Variants in KHDRBS2 observed in about 807,000 individuals in gnomAD.
KHDRBS2 encodes KH domain-containing, RNA-binding, signal transduction-associated protein 2.
In KHDRBS2, 26 loss-of-function variants were observed where a neutral mutation model predicts 44.3. The ratio of observed to expected loss-of-function variants is 0.59; its 90% CI spans 0.43 to 0.81. KHDRBS2 has a LOEUF of 0.81. Ranked by LOEUF, KHDRBS2 falls within the 40% of genes least tolerant of loss-of-function variation. The probability of loss-of-function intolerance (pLI) is 0.00; values close to 1 mark genes in which losing one functional copy is unlikely to be tolerated. For missense variants in KHDRBS2, 476 were observed against 433.1 expected, an observed-to-expected ratio of 1.10 and a Z score of -0.88; for synonymous variants, 194 against 151.1, an observed-to-expected ratio of 1.28 and a Z score of -2.08.
the KHDRBS2 span, among the ~76,000 whole-genome samples, chr6:61,658,812 T>C: frequency 6.6e-6 from 1 of 151,952 alleles, no homozygotes. Flanking sequence ...AATCATCTTT[T>C]GCATATAGGC....
the KHDRBS2 span, among the ~76,000 whole-genome samples, chr6:61,643,681 A>T: frequency 2.0e-5 from 3 of 152,272 alleles, no homozygotes; most frequent in South Asian, 6.2e-4. Flanking sequence ...CCAAAGCCAA[A>T]TCAAGAACAC....
the KHDRBS2 span, among the ~76,000 whole-genome samples, chr6:61,664,440 A>AG: frequency 6.6e-6 from 1 of 150,864 alleles, no homozygotes; most frequent in Non-Finnish European, 1.5e-5. Context: ...ATAGGAAAAA[A>AG]ACAACAACAA....
chr6:62,110,582 T>A (rs1292121277), intron 2 of KHDRBS2, among the ~76,000 whole-genome samples: 1 of 152,048 alleles, frequency 6.6e-6, no homozygotes, highest in Non-Finnish European at 1.5e-5. Context: ...GTGAAAGAAG[T>A]CAGACTCCTC....
At chr6:61,661,587 T>C in the KHDRBS2 span, among the ~76,000 whole-genome samples, 15 of 151,892 alleles carry the variant, frequency 9.9e-5, no homozygotes, top group African/African-American at 3.6e-4. Flanking sequence ...CTTTCAGCAG[T>C]GTCCTATCTA....
At position 61,833,469 on chromosome 6, in the gene KHDRBS2, G is replaced by A. The variant is rs564952372; in HGVS notation, c.810+61166C>T. Among the ~76,000 whole-genome samples, 6 of 152,208 alleles carry A rather than the reference G, an allele frequency of 3.9e-5. No individual in the cohort carries two copies. The South Asian group carries it at 1.0e-3, about 26-fold the overall frequency. ...TTTCTTTTCCTATATAATACCATAT[G>A]TTCAGCTTCTATCATATATTCCCAG... is the stretch of plus-strand genomic sequence containing the variant. On this transcript the variant is annotated intron_variant, in intron 6 of 8. Coordinates refer to ENST00000281156, the MANE Select transcript of KHDRBS2 (RefSeq NM_152688.4).
At chr6:62,083,559 G>A (rs1797828779) in intron 2 of KHDRBS2, among the ~76,000 whole-genome samples, 1 of 152,090 alleles carries the variant, frequency 6.6e-6, no homozygotes, top group Non-Finnish European at 1.5e-5. Flanking sequence ...GCCCTCTGGG[G>A]TCCAGGGGTT....
chr6:62,118,259 T>C (rs1349024709), intron 2 of KHDRBS2, among the ~76,000 whole-genome samples: 5 of 152,250 alleles, frequency 3.3e-5, no homozygotes, highest in Non-Finnish European at 5.9e-5. Flanking sequence ...TCTATGTGTC[T>C]GATTTTATGC....
the KHDRBS2 span, among the ~76,000 whole-genome samples, chr6:61,571,150 C>A: frequency 6.6e-6 from 1 of 152,118 alleles, no homozygotes; most frequent in South Asian, 2.1e-4. Flanking sequence ...AATCCATCAA[C>A]CAAGTACCTG....
the KHDRBS2 span, among the ~76,000 whole-genome samples, chr6:61,615,270 A>C: frequency 7.9e-5 from 12 of 151,204 alleles, no homozygotes; most frequent in Non-Finnish European, 1.5e-4. Context: ...AAAGAAAAAA[A>C]ACAAGAAGAA....
At chr6:61,912,908 G>A (rs1390699090) in intron 4 of KHDRBS2, among the ~76,000 whole-genome samples, 10 of 152,014 alleles carry the variant, frequency 6.6e-5, no homozygotes, top group Non-Finnish European at 1.3e-4. Flanking sequence ...CGTCTCCAAC[G>A]CCATATCTCA....
the KHDRBS2 span, among the ~76,000 whole-genome samples, chr6:61,559,895 G>T: frequency 6.6e-6 from 1 of 152,228 alleles, no homozygotes. Context: ...TGTGTTTACA[G>T]TTAACAGTGA....
the KHDRBS2 span, among the ~76,000 whole-genome samples, chr6:61,581,792 C>T: frequency 2.0e-5 from 3 of 151,218 alleles, no homozygotes; most frequent in African/African-American, 7.3e-5. Context: ...CTGAATAACA[C>T]TAAAGAGGCT....
At chr6:62,080,830 A>T (rs1797248852) in intron 2 of KHDRBS2, among the ~76,000 whole-genome samples, 2 of 151,906 alleles carry the variant, frequency 1.3e-5, no homozygotes, top group Non-Finnish European at 2.9e-5. Flanking sequence ...AGTGCTTATA[A>T]CCCTGGCTCC....
the KHDRBS2 span, among the ~76,000 whole-genome samples, chr6:61,557,944 T>A: frequency 1.3e-5 from 2 of 152,166 alleles, no homozygotes; most frequent in African/African-American, 2.4e-5. Flanking sequence ...CTCCAAGTAA[T>A]CTCTAATGAT....
chr6:61,994,517 T>G (rs963724572), intron 3 of KHDRBS2, among the ~76,000 whole-genome samples: 2 of 152,166 alleles, frequency 1.3e-5, no homozygotes, highest in Admixed American at 1.3e-4. Context: ...TGTTAATGTA[T>G]TAATGTAATA....
At chr6:62,007,768 C>T (rs1024268128) in intron 3 of KHDRBS2, among the ~76,000 whole-genome samples, 1 of 151,980 alleles carries the variant, frequency 6.6e-6, no homozygotes, top group African/African-American at 2.4e-5. Flanking sequence ...GTCAATTCTT[C>T]AGTACCATAA....
intron 6 of KHDRBS2, among the ~76,000 whole-genome samples, chr6:61,888,806 C>G (rs748618279): frequency 8.6e-5 from 13 of 151,914 alleles, no homozygotes; most frequent in Non-Finnish European, 4.4e-5. Context: ...CGTGATCCAC[C>G]CACCCCGGCC....
intron 6 of KHDRBS2, among the ~76,000 whole-genome samples, chr6:61,852,469 C>A (rs1273143218): frequency 1.3e-5 from 2 of 150,170 alleles, no homozygotes; most frequent in Admixed American, 6.7e-5. Flanking sequence ...GAGGCTGAGG[C>A]AGGAGAATCA....
chr6:62,217,455 C>A (rs1341230136), intron 1 of KHDRBS2, among the ~76,000 whole-genome samples: 1 of 151,850 alleles, frequency 6.6e-6, no homozygotes, highest in South Asian at 2.1e-4. Context: ...ATTCCAAATG[C>A]TGTCTTAGAC....
Sources: allele counts gnomAD v4.1 joint callset (sites outside exome capture counted in the v4.1 genomes callset), GRCh38; gene constraint gnomAD v4.1.1; transcripts MANE v1.5; gene names NCBI Gene and HGNC (gene_info 2026-07-23, HGNC 2026-07-21).